LRMDA: variants seen among roughly 807,000 people sequenced by gnomAD.
LRMDA encodes leucine rich melanocyte differentiation associated, also known as leucine-rich melanocyte differentiation-associated protein.
LRMDA carries 18 observed loss-of-function variants against 29.8 expected under a neutral mutation model. The ratio of observed to expected loss-of-function variants is 0.60; its 90% CI spans 0.42 to 0.90. The LOEUF (loss-of-function observed/expected upper bound fraction) is 0.90, where lower values mean the gene tolerates loss of function less well. Among genes scored for constraint, LRMDA ranks in the 40% least tolerant of loss-of-function variants. The pLI is 0.00. For synonymous variants in LRMDA, 125 were observed against 109.4 expected (o/e 1.14, Z -0.89); for missense variants, 273 against 273.9 (o/e 1.00, Z 0.02).
chr10:75,495,019 C>G (rs1845028175), intron 2 of LRMDA, among the ~76,000 whole-genome samples: 1 of 152,202 alleles, frequency 6.6e-6, no homozygotes, highest in Admixed American at 6.5e-5. Context: ...TTTAAGGAGT[C>G]TTTTTAGAAA....
intron 5 of LRMDA, among the ~76,000 whole-genome samples, chr10:76,232,732 A>G (rs903880543): frequency 2.0e-5 from 3 of 152,166 alleles, no homozygotes; most frequent in Non-Finnish European, 2.9e-5. Context: ...TGTACTGACA[A>G]TGGAAGAGTG....
intron 5 of LRMDA, among the ~76,000 whole-genome samples, chr10:76,067,901 C>T (rs2132064950): frequency 6.6e-6 from 1 of 152,288 alleles, no homozygotes; most frequent in East Asian, 1.9e-4. Context: ...TCAGAAAGAC[C>T]CTTCTGGGCC....
intron 6 of LRMDA, chr10:76,470,578 G>A (rs534696169): frequency 2.0e-5 from 3 of 152,096 alleles, no homozygotes; most frequent in African/African-American, 4.8e-5. Context: ...AAGGAATGAT[G>A]TACTGATATA....
intron 2 of LRMDA, among the ~76,000 whole-genome samples, chr10:75,603,506 G>T (rs1840914916): frequency 6.6e-6 from 1 of 152,036 alleles, no homozygotes; most frequent in Non-Finnish European, 1.5e-5. Context: ...GTGTAAAATG[G>T]AACACTGTAA....
intron 2 of LRMDA, among the ~76,000 whole-genome samples, chr10:75,953,467 T>G (rs4145021): frequency 1.3e-5 from 2 of 152,084 alleles, no homozygotes; most frequent in Admixed American, 6.5e-5. Context: ...TGTTCAGATA[T>G]GTGGGGCCCT....
intron 2 of LRMDA, among the ~76,000 whole-genome samples, chr10:75,822,822 A>G (rs1017953740): frequency 6.6e-6 from 1 of 152,136 alleles, no homozygotes; most frequent in African/African-American, 2.4e-5. Context: ...CCTGGGCTCA[A>G]ACAGTTCTCC....
chr10:75,921,272 A>G (rs1319467920), intron 2 of LRMDA, among the ~76,000 whole-genome samples: 1 of 152,158 alleles, frequency 6.6e-6, no homozygotes, highest in African/African-American at 2.4e-5. Context: ...CTGGGATGTA[A>G]AGTAGTGGAA....
intron 6 of LRMDA, among the ~76,000 whole-genome samples, chr10:76,381,115 C>T (rs1841586774): frequency 1.4e-5 from 2 of 139,032 alleles, no homozygotes; most frequent in South Asian, 4.6e-4. Context: ...TGTTTTAAGA[C>T]AAGCAAGCAA....
At chr10:76,317,191 C>T (rs1436002849) in intron 5 of LRMDA, among the ~76,000 whole-genome samples, 1 of 152,130 alleles carries the variant, frequency 6.6e-6, no homozygotes, top group African/African-American at 2.4e-5. Context: ...AACTGGATAG[C>T]CTTGTACATG....
intron 2 of LRMDA, among the ~76,000 whole-genome samples, chr10:75,677,811 G>T (rs942577955): frequency 6.6e-6 from 1 of 152,082 alleles, no homozygotes; most frequent in African/African-American, 2.4e-5. Flanking sequence ...CTAAAAATTG[G>T]ACCACCCATC....
intron 2 of LRMDA, among the ~76,000 whole-genome samples, chr10:75,838,216 AT>A (rs1415600680): frequency 2.0e-5 from 3 of 152,210 alleles, no homozygotes; most frequent in African/African-American, 7.2e-5. Context: ...AATATATAAT[AT>A]GATTATTTCA....
chr10:75,846,124 C>T (rs1440844042), intron 2 of LRMDA, among the ~76,000 whole-genome samples: 1 of 150,892 alleles, frequency 6.6e-6, no homozygotes, highest in Non-Finnish European at 1.5e-5. Flanking sequence ...AGAAGTAATG[C>T]ATTTACTTCT....
At chr10:75,662,829 T>A (rs1324291827) in intron 2 of LRMDA, among the ~76,000 whole-genome samples, 1 of 152,198 alleles carries the variant, frequency 6.6e-6, no homozygotes, top group Non-Finnish European at 1.5e-5. Context: ...CTGGAGAATA[T>A]CCTGGCTGCA....
chr10:76,419,208 C>T (rs1014902929), intron 6 of LRMDA, among the ~76,000 whole-genome samples: 1 of 152,048 alleles, frequency 6.6e-6, no homozygotes, highest in African/African-American at 2.4e-5. Flanking sequence ...AATAGTTTCA[C>T]TGCCCTGAAA....
chr10:76,365,067 T>TACACACAC (rs1300218051), intron 6 of LRMDA, among the ~76,000 whole-genome samples: 1 of 39,860 alleles, frequency 2.5e-5, no homozygotes, highest in Non-Finnish European at 5.1e-5. Context: ...CCATCGTATA[T>TACACACAC]ATATACACAC....
chr10:75,562,674 T>C (rs1268832670), intron 2 of LRMDA, among the ~76,000 whole-genome samples: 2 of 152,142 alleles, frequency 1.3e-5, no homozygotes, highest in African/African-American at 2.4e-5. Context: ...GTACCGGTTG[T>C]TCTTTTCCAT....
intron 5 of LRMDA, among the ~76,000 whole-genome samples, chr10:76,178,615 C>T (rs983871201): frequency 6.6e-6 from 1 of 152,192 alleles, no homozygotes; most frequent in African/African-American, 2.4e-5. Flanking sequence ...ATAGGAGAAA[C>T]TTCCCTACTT....
chr10:75,808,241 A>G (rs761644684), intron 2 of LRMDA, among the ~76,000 whole-genome samples: 11 of 152,172 alleles, frequency 7.2e-5, no homozygotes, highest in Admixed American at 1.3e-4. Flanking sequence ...CAGCTGGAAG[A>G]TGTCACCTGG....
At chr10:76,120,753 T>C (rs1589336352) in intron 5 of LRMDA, among the ~76,000 whole-genome samples, 2 of 152,112 alleles carry the variant, frequency 1.3e-5, no homozygotes, top group East Asian at 3.9e-4. Flanking sequence ...GACCAATAGC[T>C]TTATGTGAGT....
Sources: gnomAD v4.1 joint callset for allele counts (sites outside exome capture counted in the v4.1 genomes callset) on GRCh38, gnomAD v4.1.1 for gene constraint, MANE v1.5 for transcripts, NCBI Gene and HGNC (gene_info 2026-07-23, HGNC 2026-07-21) for gene names.